The following CTSO variants were observed in gnomAD, a reference collection of about 807,000 sequenced individuals.
The protein encoded by CTSO is cathepsin O.
In CTSO, 40 loss-of-function variants were observed where a neutral mutation model predicts 42.4. The observed-to-expected ratio is 0.94, with a 90% CI of 0.73 to 1.23. CTSO has a LOEUF of 1.23. Ranked by LOEUF, CTSO falls within the 50% of genes most tolerant of loss-of-function variation. CTSO has a pLI of 0.00. For synonymous variants in CTSO, 156 were observed against 146.2 expected, an observed-to-expected ratio of 1.07 and a Z score of -0.48; for missense variants, 441 against 396.0, an observed-to-expected ratio of 1.11 and a Z score of -0.96.
intron 5 of CTSO, 91 bp downstream of exon 5, chr4:155,937,271 T>C (rs111800829): frequency 6.5e-6 from 6 of 928,250 alleles, no homozygotes; most frequent in East Asian, 2.6e-5. Flanking sequence ...ATTAAGAGTA[T>C]GCAGTGATGC....
intron 1 of CTSO, among the ~76,000 whole-genome samples, chr4:155,947,060 C>T (rs1743561144): frequency 6.6e-6 from 1 of 152,048 alleles, no homozygotes; most frequent in Non-Finnish European, 1.5e-5. Flanking sequence ...TGAGGTTTCA[C>T]CGTGTTAGCC....
chr4:155,940,512 A>G (rs1420603398), intron 3 of CTSO, among the ~76,000 whole-genome samples: 2 of 152,192 alleles, frequency 1.3e-5, no homozygotes, highest in African/African-American at 4.8e-5. Context: ...ATGGCATAGT[A>G]AAAACACTCA....
In CTSO at chr4:155,950,881, G is replaced by C. The variant is rs546442372; in HGVS notation, c.135+2832C>G. 1.4e-4 allele frequency among the ~76,000 whole-genome samples: 21 copies of C among 151,036 alleles called. No homozygotes were observed. The South Asian group carries it at 4.4e-3, about 31-fold the overall frequency. On this transcript the variant is annotated intron_variant, in intron 1 of 7. Transcript: ENST00000433477. ...CCACACCCCAGTCCGTGGAAAAATTGTCTTCCATGAAACCAATCCCTGGTG... is the reference window on the plus strand; with the variant it reads ...CCACACCCCAGTCCGTGGAAAAATTCTCTTCCATGAAACCAATCCCTGGTG...
At chr4:155,928,864 G>A (rs898432809) in intron 6 of CTSO, among the ~76,000 whole-genome samples, 6 of 152,268 alleles carry the variant, frequency 3.9e-5, no homozygotes, top group African/African-American at 1.4e-4. Flanking sequence ...GGTGGAATCT[G>A]ACAAGACATT....
intron 4 of CTSO, 111 bp downstream of exon 4, chr4:155,939,260 C>T (rs567310796): frequency 4.1e-5 from 38 of 923,224 alleles, no homozygotes; most frequent in East Asian, 3.5e-4. Flanking sequence ...TCTACATTTC[C>T]GAACGTGGAA....
Position 155,943,105 on chromosome 4 carries a change from G to A in CTSO, c.244+51C>T, listed in dbSNP as rs757511666. 6.7e-6 allele frequency: 7 copies of A among 1,037,806 alleles called. No homozygotes were observed. The African/African-American group carries it at 8.1e-5, about 12-fold the overall frequency. 64.3% of individuals were successfully genotyped at this position (1,037,806 alleles called of 1,614,324 possible). A position where few individuals can be genotyped will look rare whatever the true frequency, so the allele number is the denominator to read the frequency against. On this transcript the variant is annotated intron_variant, in intron 2 of 7. Coordinates refer to ENST00000433477, the MANE Select transcript of CTSO (RefSeq NM_001334.3). ...CAATGAAATATTTATCAAAAGTTAA[G>A]CAAGCAAATTAAAATCAGGAAACCA...
intron 5 of CTSO, 73 bp downstream of exon 5, chr4:155,937,289 C>G: frequency 7.7e-7 from 1 of 1,299,132 alleles, no homozygotes; most frequent in East Asian, 2.4e-5. Context: ...TGCCTTCAAA[C>G]AAATTATTAA....
rs772963624 is a variant in CTSO at position 155,942,402 on chromosome 4, T to C, written c.299A>G (p.His100Arg). 3 of 1,597,046 alleles carry C rather than the reference T, an allele frequency of 1.9e-6. No individual in the cohort carries two copies. The highest frequency in any genetic ancestry group is 1.8e-5 in the Admixed American group (1 of 57,140). Reference sequence around the variant, plus strand: ...CAAAGACACATTGGGGATGGACATATGTACTTCTGCTGAGTATCTGGGAAA... The same window carrying C: ...CAAAGACACATTGGGGATGGACATACGTACTTCTGCTGAGTATCTGGGAAA... ...SKFPRYSAEV[H>R]MSIPNVSLPL... Residue 100 changes from histidine to arginine, a missense_variant, in exon 3 of 8, where the codon CAT becomes CGT. Physicochemically the swap from His to Arg is conservative, Grantham distance 29 (BLOSUM62 0). Transcript: ENST00000433477.
At chr4:155,930,436 A>T (rs1239843012) in intron 5 of CTSO, among the ~76,000 whole-genome samples, 1 of 152,236 alleles carries the variant, frequency 6.6e-6, no homozygotes, top group Non-Finnish European at 1.5e-5. Context: ...TGCAAAATAC[A>T]CAATTATTGT....
At chr4:155,944,935 G>A (rs2110930477) in intron 1 of CTSO, among the ~76,000 whole-genome samples, 1 of 141,248 alleles carries the variant, frequency 7.1e-6, no homozygotes, top group East Asian at 2.1e-4. Context: ...TAGTTCACAG[G>A]AATTGCTCCT....
At chr4:155,942,169 G>T in intron 3 of CTSO, 148 bp downstream of exon 3, 2 of 598,964 alleles carry the variant, frequency 3.3e-6, no homozygotes, top group Non-Finnish European at 5.1e-6. Flanking sequence ...CATTCCTCCA[G>T]AGATTCTCTT....
At chr4:155,927,497 T>C (rs544161138) in intron 7 of CTSO, among the ~76,000 whole-genome samples, 113 of 152,238 alleles carry the variant, frequency 7.4e-4, no homozygotes, top group South Asian at 3.5e-3. Context: ...AGGCTGGGCG[T>C]GGTGGCTCAC....
At chr4:155,939,275 T>C in intron 4 of CTSO, 96 bp downstream of exon 4, 2 of 1,052,434 alleles carry the variant, frequency 1.9e-6, no homozygotes, top group Non-Finnish European at 2.7e-6. Context: ...GTGGAAACAT[T>C]ATTTAATATA....
intron 3 of CTSO, among the ~76,000 whole-genome samples, chr4:155,940,554 T>C (rs562417487): frequency 6.6e-6 from 1 of 152,228 alleles, no homozygotes; most frequent in South Asian, 2.1e-4. Flanking sequence ...TCTCCAAACT[T>C]TGACAAAGGT....
At position 155,928,329 on chromosome 4, in the gene CTSO, G is replaced by C. The variant is rs751292035; in HGVS notation, c.931+7C>G. The C allele has an allele frequency of 6.3e-7, 1 of 1,598,484 alleles. No homozygotes were observed. Among genetic ancestry groups the C allele is most frequent in the Non-Finnish European group, 8.6e-7 (1 of 1,168,548 alleles). On this transcript the variant is annotated splice_region_variant and intron_variant, in intron 7 of 7. Coordinates refer to ENST00000433477, the MANE Select transcript of CTSO (RefSeq NM_001334.3). ...ATTGAGGTTTTAAACACAAACTCATGACTTACCACAAACATTACTTCCCAT... is the reference window on the plus strand; with the variant it reads ...ATTGAGGTTTTAAACACAAACTCATCACTTACCACAAACATTACTTCCCAT...
chr4:155,928,204 T>TC, intron 7 of CTSO, 132 bp downstream of exon 7: 2 of 547,570 alleles, frequency 3.7e-6, no homozygotes, highest in Admixed American at 3.9e-5. Context: ...CAAAACACTT[T>TC]TTTTTTTATC....
At chr4:155,929,888 A>G (rs1019765556) in intron 5 of CTSO, among the ~76,000 whole-genome samples, 183 bp from the exon 6 acceptor site, 1 of 152,168 alleles carries the variant, frequency 6.6e-6, no homozygotes, top group African/African-American at 2.4e-5. Context: ...GATATCAGGA[A>G]CCCAAGCTCT....
chr4:155,945,236 G>A (rs559741209), intron 1 of CTSO, among the ~76,000 whole-genome samples: 3 of 151,910 alleles, frequency 2.0e-5, no homozygotes, highest in East Asian at 3.9e-4. Context: ...CAGCCTGGAC[G>A]ACAGAGCGAG....
chr4:155,949,932 C>A (rs1743616563), intron 1 of CTSO, among the ~76,000 whole-genome samples: 1 of 152,198 alleles, frequency 6.6e-6, no homozygotes. Context: ...TCCCCCACAA[C>A]AAATCACTAT....
Sources: allele counts gnomAD v4.1 joint callset (sites outside exome capture counted in the v4.1 genomes callset), GRCh38; gene constraint gnomAD v4.1.1; transcripts MANE v1.5; gene names NCBI Gene and HGNC (gene_info 2026-07-23, HGNC 2026-07-21).